XRN2: variants seen among roughly 807,000 people sequenced by gnomAD.
The protein encoded by XRN2 is DHM1-like protein.
XRN2 carries 44 observed loss-of-function variants against 138.5 expected under a neutral mutation model. The observed-to-expected ratio is 0.32, with a 90% CI of 0.25 to 0.41. The LOEUF (loss-of-function observed/expected upper bound fraction) is 0.41, where lower values mean the gene tolerates loss of function less well. Among genes scored for constraint, XRN2 ranks in the 10% least tolerant of loss-of-function variants. The probability of loss-of-function intolerance (pLI) is 1.00; values close to 1 mark genes in which losing one functional copy is unlikely to be tolerated. For synonymous variants in XRN2, 354 were observed against 369.4 expected, an observed-to-expected ratio of 0.96 and a Z score of 0.48; for missense variants, 937 against 1,169.3, an observed-to-expected ratio of 0.80 and a Z score of 2.90.
At chr20:21,342,747 A>T (rs1212603027) in intron 15 of XRN2, among the ~76,000 whole-genome samples, 1 of 152,210 alleles carries the variant, frequency 6.6e-6, no homozygotes, top group Non-Finnish European at 1.5e-5. Flanking sequence ...ACTTGTAAGG[A>T]AACAGAACGT....
At chr20:21,357,200 A>G (rs1243419635) in intron 23 of XRN2, among the ~76,000 whole-genome samples, 2 of 152,256 alleles carry the variant, frequency 1.3e-5, no homozygotes, top group Non-Finnish European at 2.9e-5. Flanking sequence ...GTTCATAAAT[A>G]TAACCACTAT....
chr20:21,348,092 G>T, intron 17 of XRN2, 54 bp from the exon 18 acceptor site: 1 of 1,498,508 alleles, frequency 6.7e-7, no homozygotes, highest in Admixed American at 2.2e-5. Flanking sequence ...TTTTAATTGT[G>T]TTCATCATTA....
At chr20:21,356,464 T>C in intron 22 of XRN2, 122 bp from the exon 23 acceptor site, 3 of 768,362 alleles carry the variant, frequency 3.9e-6, no homozygotes, top group Non-Finnish European at 6.3e-6. Flanking sequence ...TATTGGTAAA[T>C]ATTTGGGTTT....
At position 21,365,485 on chromosome 20, in the gene XRN2, G is replaced by A; in HGVS notation, c.2320G>A (p.Ala774Thr). The change falls in exon 25 of 30, where the codon GCA becomes ACA. Residue 774 changes from alanine (A) to threonine (T), a missense_variant. Ala to Thr is a moderately conservative substitution (Grantham distance 58). This residue lies in a region of XRN2 where 372 missense variants were observed against 414.4 expected (regional missense o/e 0.90). Transcript: ENST00000377191. The stretch of plus-strand genomic sequence containing the variant: ...TTTTAAAGCTGTAATGCTTCCAGGA[G>A]CAAGGTAACAACAGTAAATTACCTA... Reference protein sequence around the residue: ...YIFKAVMLPGARKPAAVLKPS... With the variant: ...YIFKAVMLPGTRKPAAVLKPS... The A allele has an allele frequency of 6.2e-7, 1 of 1,613,792 alleles. No individual in the cohort carries two copies. Among genetic ancestry groups the A allele is most frequent in the Non-Finnish European group, 8.5e-7 (1 of 1,179,904 alleles).
intron 27 of XRN2, among the ~76,000 whole-genome samples, chr20:21,381,685 AATGT>A (rs1280082862): frequency 1.4e-5 from 2 of 142,276 alleles, no homozygotes; most frequent in Non-Finnish European, 3.0e-5. Context: ...AACTGTGTGT[AATGT>A]ATGTATCTTT....
intron 26 of XRN2, among the ~76,000 whole-genome samples, chr20:21,366,081 A>G (rs2038695512): frequency 8.5e-6 from 1 of 118,100 alleles, no homozygotes; most frequent in Non-Finnish European, 1.7e-5. Context: ...TATTATATTT[A>G]TAGTTTATAT....
intron 1 of XRN2, among the ~76,000 whole-genome samples, chr20:21,318,875 A>T (rs1447063541): frequency 6.6e-6 from 1 of 152,046 alleles, no homozygotes; most frequent in Non-Finnish European, 1.5e-5. Context: ...TACACCTGAG[A>T]ATGTATATTC....
At chr20:21,363,301 C>T (rs2038658433) in intron 24 of XRN2, among the ~76,000 whole-genome samples, 1 of 152,282 alleles carries the variant, frequency 6.6e-6, no homozygotes. Context: ...GTGAACCGTG[C>T]ATGCGATAGG....
At chr20:21,312,701 C>T (rs1236743631) in intron 1 of XRN2, among the ~76,000 whole-genome samples, 1 of 151,130 alleles carries the variant, frequency 6.6e-6, no homozygotes, top group Non-Finnish European at 1.5e-5. Context: ...CCTCTGCCTC[C>T]TGGGTTCAAG....
intron 24 of XRN2, among the ~76,000 whole-genome samples, chr20:21,359,175 G>T (rs2038608702): frequency 1.3e-5 from 2 of 152,128 alleles, no homozygotes; most frequent in African/African-American, 2.4e-5. Context: ...ATGTTGGTTG[G>T]TTGTTTCTGA....
intron 13 of XRN2, among the ~76,000 whole-genome samples, chr20:21,338,617 T>C: frequency 6.6e-6 from 1 of 152,160 alleles, no homozygotes; most frequent in African/African-American, 2.4e-5. Flanking sequence ...GTCTTGCTGA[T>C]TTTTTTAAAA....
At chr20:21,312,970 C>T (rs1203578691) in intron 1 of XRN2, among the ~76,000 whole-genome samples, 1 of 152,090 alleles carries the variant, frequency 6.6e-6, no homozygotes, top group Non-Finnish European at 1.5e-5. Flanking sequence ...GCCCTCAGAA[C>T]CAGAAGAGGT....
chr20:21,359,524 CAA>C (rs11480541), intron 24 of XRN2, among the ~76,000 whole-genome samples: 5 of 129,628 alleles, frequency 3.9e-5, no homozygotes, highest in Non-Finnish European at 1.7e-5. Flanking sequence ...GACTCCATCT[CAA>C]AAAAAAAAAA....
intron 1 of XRN2, among the ~76,000 whole-genome samples, chr20:21,311,804 A>G (rs984472143): frequency 1.3e-5 from 2 of 152,136 alleles, no homozygotes; most frequent in African/African-American, 2.4e-5. Flanking sequence ...CCTGGACAAC[A>G]TGGTGAAACC....
rs113883766 is a variant in XRN2 at position 21,358,776 on chromosome 20, T to C, written c.2255+984T>C. 7.0e-4 allele frequency among the ~76,000 whole-genome samples: 106 copies of C among 152,222 alleles called. 2 individuals are homozygous for C. The highest frequency in any genetic ancestry group is 2.4e-3 in the African/African-American group (98 of 41,510). ...TTATCTTTACGTATAATTTTTTGTT[T>C]ATCTTTACACCTAATTTGTCCTGGT... is the stretch of plus-strand genomic sequence containing the variant. On this transcript the variant is annotated intron_variant, in intron 24 of 29. Coordinates refer to ENST00000377191, the MANE Select transcript of XRN2 (RefSeq NM_012255.5).
At chr20:21,328,472 T>G in intron 3 of XRN2, 87 bp from the exon 4 acceptor site, 1 of 1,303,024 alleles carries the variant, frequency 7.7e-7, no homozygotes, top group Admixed American at 2.2e-5. Context: ...GTGTACTGCT[T>G]TTATAAGAAC....
intron 1 of XRN2, chr20:21,303,837 A>C: frequency 1.9e-6 from 2 of 1,032,892 alleles, no homozygotes; most frequent in Non-Finnish European, 2.3e-6. Flanking sequence ...TTGTTGAGCA[A>C]TGCATGCCAG....
chr20:21,375,010 CTTTTTTTTTT>C (rs34212552), intron 27 of XRN2, among the ~76,000 whole-genome samples: 10 of 44,678 alleles, frequency 2.2e-4, no homozygotes, highest in East Asian at 1.5e-3. Flanking sequence ...TTGGTAAGTT[CTTTTTTTTTT>C]TTTTTTTTTT....
intron 27 of XRN2, among the ~76,000 whole-genome samples, chr20:21,372,691 A>G (rs2038776407): frequency 6.6e-6 from 1 of 152,176 alleles, no homozygotes; most frequent in African/African-American, 2.4e-5. Context: ...TAACATATGT[A>G]AAGTGCTAAA....
Sources: allele counts gnomAD v4.1 joint callset (sites outside exome capture counted in the v4.1 genomes callset), GRCh38; gene constraint gnomAD v4.1.1; regional missense constraint gnomAD v4.1.1; transcripts MANE v1.5; gene names NCBI Gene and HGNC (gene_info 2026-07-23, HGNC 2026-07-21).